The following DPP6 variants were observed in gnomAD, a reference collection of about 807,000 sequenced individuals.
DPP6 encodes the protein dipeptidyl peptidase like 6.
In DPP6, 69 loss-of-function variants were observed where a neutral mutation model predicts 122.6. The ratio of observed to expected loss-of-function variants is 0.56; its 90% CI spans 0.46 to 0.69. The LOEUF is 0.69. DPP6 is among the 30% of genes least tolerant of loss of function. The pLI is 0.00. For synonymous variants in DPP6, 418 were observed against 433.1 expected (o/e 0.97, Z 0.43); for missense variants, 928 against 1,116.9 (o/e 0.83, Z 2.41).
the DPP6 span, among the ~76,000 whole-genome samples, chr7:153,778,147 T>C: frequency 4.0e-5 from 6 of 150,478 alleles, no homozygotes; most frequent in Non-Finnish European, 8.8e-5. Context: ...TTTATATGTA[T>C]ATATTTAGGG....
In DPP6 at chr7:154,393,070, C is replaced by T. The variant is rs972517390; in HGVS notation, c.244-53144C>T. ...TTGCATTTAAAGTCTTAAACTTTTT[C>T]TTCTTCCAAATATTTACCATTTTCT... On this transcript the variant is annotated intron_variant, in intron 1 of 25. Transcript: ENST00000377770. 9.2e-5 allele frequency among the ~76,000 whole-genome samples: 14 copies of T among 152,300 alleles called. 1 individual carries two copies. Among genetic ancestry groups the T allele is most frequent in the African/African-American group, 9.6e-5 (4 of 41,568 alleles).
intron 1 of DPP6, among the ~76,000 whole-genome samples, chr7:154,077,308 T>C (rs995001662): frequency 6.6e-6 from 1 of 152,264 alleles, no homozygotes; most frequent in African/African-American, 2.4e-5. Flanking sequence ...ACACAATGTG[T>C]AGAATGAAGA....
intron 1 of DPP6, among the ~76,000 whole-genome samples, chr7:154,180,594 A>G (rs1798035102): frequency 6.7e-6 from 1 of 148,768 alleles, no homozygotes; most frequent in Admixed American, 6.7e-5. Context: ...TTATATTATT[A>G]TTTTTAAGAT....
the DPP6 span, among the ~76,000 whole-genome samples, chr7:153,800,585 C>T: frequency 2.6e-4 from 39 of 152,134 alleles, no homozygotes; most frequent in Non-Finnish European, 5.1e-4. Context: ...GGCACCATCT[C>T]GGCTCACTGC....
chr7:154,375,293 C>T (rs936172575), intron 1 of DPP6, among the ~76,000 whole-genome samples: 2 of 151,918 alleles, frequency 1.3e-5, no homozygotes, highest in Non-Finnish European at 2.9e-5. Flanking sequence ...CCTGGCACAC[C>T]CCAAGGGCAG....
intron 1 of DPP6, among the ~76,000 whole-genome samples, chr7:154,160,371 C>T (rs1015704028): frequency 7.9e-5 from 12 of 152,202 alleles, no homozygotes; most frequent in Admixed American, 3.3e-4. Flanking sequence ...GCAAAGTCAC[C>T]TGTTTCCACA....
At chr7:154,436,007 G>A (rs1360236999) in intron 1 of DPP6, among the ~76,000 whole-genome samples, 2 of 152,014 alleles carry the variant, frequency 1.3e-5, no homozygotes, top group African/African-American at 4.8e-5. Context: ...ATATTTTAAG[G>A]CACAGTGGGA....
chr7:154,818,027 T>C (rs1427653695), intron 16 of DPP6, among the ~76,000 whole-genome samples: 1 of 152,184 alleles, frequency 6.6e-6, no homozygotes, highest in Non-Finnish European at 1.5e-5. Flanking sequence ...TTATCCAAGA[T>C]GACATACATT....
At chr7:154,718,116 G>A (rs1246685574) in intron 7 of DPP6, among the ~76,000 whole-genome samples, 1 of 152,110 alleles carries the variant, frequency 6.6e-6, no homozygotes, top group Non-Finnish European at 1.5e-5. Flanking sequence ...TTTTGCTATT[G>A]AGTTGTTTGA....
intron 1 of DPP6, among the ~76,000 whole-genome samples, chr7:153,896,146 G>GC (rs1263667875): frequency 1.3e-5 from 2 of 152,130 alleles, no homozygotes; most frequent in Non-Finnish European, 2.9e-5. Context: ...CTGGACTAAT[G>GC]CCCCTATTAA....
At chr7:154,674,130 C>T (rs963077429) in intron 7 of DPP6, among the ~76,000 whole-genome samples, 16 of 152,182 alleles carry the variant, frequency 1.1e-4, no homozygotes, top group African/African-American at 3.9e-4. Flanking sequence ...CCCACCTCGG[C>T]CTCCCAAAGT....
At chr7:154,629,481 T>C (rs995576300) in intron 5 of DPP6, among the ~76,000 whole-genome samples, 1 of 152,208 alleles carries the variant, frequency 6.6e-6, no homozygotes, top group South Asian at 2.1e-4. Flanking sequence ...TGTTAACTTT[T>C]CCAGTATTTT....
At chr7:154,401,036 A>T (rs1032970905) in intron 1 of DPP6, among the ~76,000 whole-genome samples, 1 of 152,070 alleles carries the variant, frequency 6.6e-6, no homozygotes, top group African/African-American at 2.4e-5. Flanking sequence ...CCTCGTCTCT[A>T]CTAAAAATGC....
rs1397683252 is a variant in DPP6 at position 154,760,377 on chromosome 7, C to T, written c.884-9040C>T. Reference sequence around the variant, plus strand: ...GGGGTGGAGGAAATTCAGTCCATGACATCAGCAAGCTCATTCTGCACAGAC... The same window carrying T: ...GGGGTGGAGGAAATTCAGTCCATGATATCAGCAAGCTCATTCTGCACAGAC... On this transcript the variant is annotated intron_variant, in intron 8 of 25. Coordinates refer to ENST00000377770, the MANE Select transcript of DPP6 (RefSeq NM_130797.4). The surrounding 1 kb of genome is among the most constrained non-coding windows in gnomAD (Gnocchi z 4.5). 6.6e-6 allele frequency among the ~76,000 whole-genome samples: 1 copy of T among 151,926 alleles called. No individual in the cohort carries two copies. Among genetic ancestry groups the T allele is most frequent in the African/African-American group, 2.4e-5 (1 of 41,370 alleles).
At chr7:154,013,744 C>A (rs1798268105) in intron 1 of DPP6, among the ~76,000 whole-genome samples, 1 of 152,106 alleles carries the variant, frequency 6.6e-6, no homozygotes, top group African/African-American at 2.4e-5. Flanking sequence ...TCTTGATTGG[C>A]ATGGAACTTG....
chr7:154,875,898 C>T lies in DPP6; in HGVS notation c.1884-8C>T, dbSNP rs1403574316. The T allele has an allele frequency of 6.2e-7, 1 of 1,604,400 alleles. No individual in the cohort carries two copies. The highest frequency in any genetic ancestry group is 8.5e-7 in the Non-Finnish European group (1 of 1,175,762). On this transcript the variant is annotated splice_polypyrimidine_tract_variant and splice_region_variant and intron_variant, in intron 19 of 25. Transcript: ENST00000377770. This position sits in a 1 kb window ranked among gnomAD's most constrained non-coding sequence, Gnocchi z 4.5. The stretch of plus-strand genomic sequence containing the variant: ...GCAGGCCTGCTGAGCCCGGGATTCT[C>T]TTTCCAGGGATGGCACCCCAGGCAG...
intron 7 of DPP6, among the ~76,000 whole-genome samples, chr7:154,697,870 G>A (rs146177042): frequency 3.9e-4 from 60 of 152,216 alleles, no homozygotes; most frequent in African/African-American, 5.3e-4. Flanking sequence ...GGTCTTTCCC[G>A]TAACTTGTGA....
chr7:154,344,793 C>T (rs1586006122), intron 1 of DPP6, among the ~76,000 whole-genome samples: 1 of 152,106 alleles, frequency 6.6e-6, no homozygotes, highest in East Asian at 1.9e-4. Flanking sequence ...GAGGCTGAGG[C>T]AGGAGAATTG....
In DPP6 at chr7:154,603,109, A is replaced by G. The variant is rs1833468743; in HGVS notation, c.628-34712A>G. Among the ~76,000 whole-genome samples the G allele has an allele frequency of 1.7e-5, 2 of 119,574 alleles. 1 individual carries two copies. Among genetic ancestry groups the G allele is most frequent in the Non-Finnish European group, 3.8e-5 (2 of 53,282 alleles). The allele number at this position is 119,574 out of a possible 152,430, so 78.4% of individuals were successfully genotyped here. On this transcript the variant is annotated intron_variant, in intron 5 of 25. Transcript: ENST00000377770. ...TGAGGGGAACTCTATTACCATTCTC[A>G]TCTTTTTTTCCTTTGTGTATATGTT...
Sources: gnomAD v4.1 joint callset for allele counts (sites outside exome capture counted in the v4.1 genomes callset) on GRCh38, gnomAD v4.1.1 for gene constraint, Gnocchi (gnomAD v3.1) non-coding constraint, MANE v1.5 for transcripts, NCBI Gene and HGNC (gene_info 2026-07-23, HGNC 2026-07-21) for gene names.